IL19: variants seen among roughly 807,000 people sequenced by gnomAD.
The protein encoded by IL19 is interleukin 19, also known as interleukin-19.
In IL19, 15 loss-of-function variants were observed where a neutral mutation model predicts 19.5. That is an observed-to-expected ratio of 0.77 (90% confidence interval 0.52 to 1.19). IL19 has a LOEUF of 1.19. Ranked by LOEUF, IL19 falls within the 50% of genes most tolerant of loss-of-function variation. The pLI is 0.00. For synonymous variants in IL19, 78 were observed against 78.3 expected (o/e 1.00, Z 0.02); for missense variants, 199 against 213.1 (o/e 0.93, Z 0.41).
chr1:206,807,398 A>G (rs890175524), intron 2 of IL19, among the ~76,000 whole-genome samples: 1 of 152,128 alleles, frequency 6.6e-6, no homozygotes, highest in African/African-American at 2.4e-5. Flanking sequence ...TCTACTCACC[A>G]TGCTATAGTC....
intron 2 of IL19, among the ~76,000 whole-genome samples, chr1:206,832,899 C>T (rs959471200): frequency 3.3e-5 from 5 of 152,304 alleles, no homozygotes; most frequent in Admixed American, 1.3e-4. Flanking sequence ...GCACCTGTCC[C>T]GTAAAAGGCC....
intron 1 of IL19, among the ~76,000 whole-genome samples, chr1:206,790,343 A>G (rs139586848): frequency 6.6e-6 from 1 of 152,276 alleles, no homozygotes; most frequent in African/African-American, 2.4e-5. Context: ...TATCCCAGAA[A>G]AAAAACTGAG....
chr1:206,838,747 TTCCCTTC>T (rs1558623824), intron 4 of IL19, among the ~76,000 whole-genome samples: 4 of 12,470 alleles, frequency 3.2e-4, no homozygotes, highest in South Asian at 1.8e-3. Context: ...TTCCCTTCCC[TTCCCTTC>T]CCTTCCCTTC....
intron 1 of IL19, among the ~76,000 whole-genome samples, chr1:206,776,749 G>A (rs1025309003): frequency 4.6e-5 from 7 of 151,914 alleles, no homozygotes; most frequent in African/African-American, 1.7e-4. Flanking sequence ...GCAAAAACGG[G>A]AGGTAAAGAA....
intron 1 of IL19, among the ~76,000 whole-genome samples, chr1:206,789,332 A>G (rs1675338730): frequency 6.6e-6 from 1 of 152,204 alleles, no homozygotes; most frequent in Non-Finnish European, 1.5e-5. Context: ...GTAATTTTAA[A>G]TCCCTTATCC....
chr1:206,780,492 T>C (rs1675104407), intron 1 of IL19, among the ~76,000 whole-genome samples: 1 of 152,266 alleles, frequency 6.6e-6, no homozygotes, highest in Admixed American at 6.5e-5. Flanking sequence ...ACAAACTATA[T>C]GCCTATACCT....
At chr1:206,790,579 A>G (rs1675375739) in intron 1 of IL19, among the ~76,000 whole-genome samples, 1 of 152,088 alleles carries the variant, frequency 6.6e-6, no homozygotes, top group Non-Finnish European at 1.5e-5. Context: ...CCTGTGTCAG[A>G]GCTATATTTT....
chr1:206,832,547 A>G (rs1558621605), intron 2 of IL19, among the ~76,000 whole-genome samples: 1 of 152,216 alleles, frequency 6.6e-6, no homozygotes, highest in Non-Finnish European at 1.5e-5. Flanking sequence ...CTTCTTTAAG[A>G]TATAGCTGAT....
intron 1 of IL19, among the ~76,000 whole-genome samples, chr1:206,791,604 C>T (rs563454332): frequency 6.6e-6 from 1 of 152,144 alleles, no homozygotes; most frequent in African/African-American, 2.4e-5. Context: ...TGCCCAGTCC[C>T]TATGTTTTGA....
intron 2 of IL19, among the ~76,000 whole-genome samples, chr1:206,804,999 T>C (rs1450905869): frequency 6.6e-6 from 1 of 152,210 alleles, no homozygotes; most frequent in Non-Finnish European, 1.5e-5. Flanking sequence ...CTGTGGACAC[T>C]GTTCTGATCA....
chr1:206,816,001 C>T (rs1676145838), intron 2 of IL19, among the ~76,000 whole-genome samples: 1 of 152,062 alleles, frequency 6.6e-6, no homozygotes, highest in Non-Finnish European at 1.5e-5. Flanking sequence ...CAAGAACCTA[C>T]TGATGACATT....
chr1:206,777,230 CAAAAAAAAAAAAA>C (rs750939092), intron 1 of IL19, among the ~76,000 whole-genome samples: 86 of 6,174 alleles, frequency 0.014, 2 homozygotes, highest in African/African-American at 0.043. Context: ...GACTCCGTCT[CAAAAAAAAAAAAA>C]AAAAAAAAAA....
In IL19 at chr1:206,839,898, G is replaced by C. The variant is rs772288000; in HGVS notation, c.259G>C (p.Asp87His). 1.2e-5 allele frequency: 20 copies of C among 1,614,002 alleles called. No homozygotes were observed. Among genetic ancestry groups the C allele is most frequent in the Middle Eastern group, 1.6e-4 (1 of 6,084 alleles). ...VTKNLLAFYV[D>H]RVFKDHQEPN... ...CAAGAACCTCCTGGCGTTCTACGTGGACAGGGTGTTCAAGGATCATCAGGA... is the reference window on the plus strand; with the variant it reads ...CAAGAACCTCCTGGCGTTCTACGTGCACAGGGTGTTCAAGGATCATCAGGA... Residue 87 changes from aspartate (D) to histidine (H), a missense_variant, in exon 5 of 7, where the codon GAC becomes CAC. Coordinates refer to ENST00000659997, the MANE Select transcript of IL19 (RefSeq NM_153758.5).
rs1178206858 is a variant in IL19, at chr1:206,840,889, C to T, written c.364-115C>T. On this transcript the variant is annotated intron_variant, in intron 5 of 6. Transcript: ENST00000659997. Reference sequence around the variant, plus strand: ...GCTGCTCCCACCTGAGTTTACTCATCTGACTCTCACTGTGGGAGGGAGGAG... The same window carrying T: ...GCTGCTCCCACCTGAGTTTACTCATTTGACTCTCACTGTGGGAGGGAGGAG... 7.3e-6 allele frequency: 6 copies of T among 820,388 alleles called. No individual in the cohort carries two copies. The African/African-American group carries it at 1.0e-4, about 14-fold the overall frequency. 50.8% of individuals were successfully genotyped at this position (820,388 alleles called of 1,614,324 possible). A position where few individuals can be genotyped will look rare whatever the true frequency, so the allele number is the denominator to read the frequency against.
chr1:206,801,170 A>G (rs1037901519), intron 2 of IL19, among the ~76,000 whole-genome samples: 1 of 51,226 alleles, frequency 2.0e-5, no homozygotes, highest in African/African-American at 6.6e-5. Flanking sequence ...TTCGTAGTTT[A>G]AAAAAAAAAA....
At chr1:206,777,666 G>T (rs2102445576) in intron 1 of IL19, among the ~76,000 whole-genome samples, 1 of 152,358 alleles carries the variant, frequency 6.6e-6, no homozygotes, top group East Asian at 1.9e-4. Flanking sequence ...GGTTGACGAT[G>T]CAGGCAGAGA....
intron 2 of IL19, among the ~76,000 whole-genome samples, chr1:206,817,543 G>C (rs534489991): frequency 6.6e-6 from 1 of 152,248 alleles, no homozygotes; most frequent in African/African-American, 2.4e-5. Flanking sequence ...TATTTATCTA[G>C]AGGCATAAAT....
chr1:206,827,708 AAC>A (rs113504700), intron 2 of IL19, among the ~76,000 whole-genome samples: 110,657 of 142,792 alleles, frequency 0.77, 42,440 homozygotes, highest in Non-Finnish European at 0.81. Context: ...AACAAAACAA[AAC>A]AAAAAAAACA....
At chr1:206,841,638 C>T (rs1454773146) in intron 6 of IL19, among the ~76,000 whole-genome samples, 1 of 152,182 alleles carries the variant, frequency 6.6e-6, no homozygotes, top group African/African-American at 2.4e-5. Context: ...GCATTTAGAT[C>T]ACACTGTCAA....
Sources: gnomAD v4.1 joint callset for allele counts (sites outside exome capture counted in the v4.1 genomes callset) on GRCh38, gnomAD v4.1.1 for gene constraint, MANE v1.5 for transcripts, NCBI Gene and HGNC (gene_info 2026-07-23, HGNC 2026-07-21) for gene names.